Variants in GRM1 observed in about 807,000 individuals in gnomAD.
GRM1 encodes glutamate metabotropic receptor 1.
GRM1 carries 33 observed loss-of-function variants against 90.9 expected under a neutral mutation model. That is an observed-to-expected ratio of 0.36 (90% CI 0.28 to 0.49). The LOEUF (loss-of-function observed/expected upper bound fraction) is 0.49, where lower values mean the gene tolerates loss of function less well. Ranked by LOEUF, GRM1 falls within the 20% of genes least tolerant of loss-of-function variation. The pLI is 0.99. For synonymous variants in GRM1, 700 were observed against 613.2 expected (o/e 1.14, Z -2.09); for missense variants, 1,190 against 1,534.3 (o/e 0.78, Z 3.75).
chr6:146,333,258 A>G (rs1391580332), intron 3 of GRM1, among the ~76,000 whole-genome samples: 1 of 152,162 alleles, frequency 6.6e-6, no homozygotes, highest in Admixed American at 6.5e-5. Context: ...GGGTACTCTG[A>G]GACCCTTCCT....
chr6:146,108,985 A>G (rs540246388), intron 1 of GRM1, among the ~76,000 whole-genome samples: 3 of 152,306 alleles, frequency 2.0e-5, no homozygotes, highest in Non-Finnish European at 4.4e-5. Context: ...AAAAGCATTC[A>G]AGAGGTGACT....
intron 1 of GRM1, among the ~76,000 whole-genome samples, chr6:146,038,759 GT>G (rs1790985422): frequency 6.6e-6 from 1 of 151,698 alleles, no homozygotes; most frequent in African/African-American, 2.4e-5. Context: ...AGTTTCCTCT[GT>G]TCTCTGTGGT....
At chr6:146,185,463 C>T (rs1183235168) in intron 2 of GRM1, among the ~76,000 whole-genome samples, 2 of 152,138 alleles carry the variant, frequency 1.3e-5, no homozygotes, top group Non-Finnish European at 2.9e-5. Flanking sequence ...TCTCTGTGAC[C>T]CTCTGAAAGA....
chr6:146,398,979 C>T lies in GRM1; in HGVS notation c.1940C>T (p.Thr647Ile), dbSNP rs1238629092. The T allele has an allele frequency of 9.9e-6, 16 of 1,614,072 alleles. No individual in the cohort carries two copies. Among genetic ancestry groups the T allele is most frequent in the Non-Finnish European group, 1.4e-5 (16 of 1,179,968 alleles). The change falls in exon 7 of 8, where the codon ACT (threonine) becomes ATT (isoleucine). Residue 647 changes from threonine (T) to isoleucine (I), a missense_variant. Physicochemically the swap from Thr to Ile is moderately conservative, Grantham distance 89. Coordinates refer to ENST00000282753, the MANE Select transcript of GRM1 (RefSeq NM_001278064.2). ...GIFLGYVCPF[T>I]LIAKPTTTSC... is the part of the protein sequence containing the mutation. ...TTCCTTGGTTATGTGTGCCCATTCA[C>T]TCTCATTGCCAAACCTACTACCACC... is the stretch of plus-strand genomic sequence containing the variant.
chr6:146,174,419 TC>T (rs1778257779), intron 2 of GRM1, among the ~76,000 whole-genome samples: 1 of 152,204 alleles, frequency 6.6e-6, no homozygotes, highest in Non-Finnish European at 1.5e-5. Context: ...TTTACTCTAG[TC>T]CATGCCTGTG....
intron 3 of GRM1, among the ~76,000 whole-genome samples, chr6:146,324,073 T>A (rs568999855): frequency 6.6e-6 from 1 of 152,244 alleles, no homozygotes; most frequent in South Asian, 2.1e-4. Context: ...TTGGCGATGT[T>A]CTTTCAGAGA....
At chr6:146,296,039 G>T (rs542602127) in intron 2 of GRM1, among the ~76,000 whole-genome samples, 11 of 152,244 alleles carry the variant, frequency 7.2e-5, no homozygotes, top group Admixed American at 5.9e-4. Flanking sequence ...CCATTTTCCC[G>T]TAAAAGACAT....
chr6:146,183,300 G>T (rs1778614291), intron 2 of GRM1, among the ~76,000 whole-genome samples: 1 of 152,134 alleles, frequency 6.6e-6, no homozygotes, highest in Non-Finnish European at 1.5e-5. Flanking sequence ...TTAGCTCCAT[G>T]AGAGATTGAA....
At chr6:146,184,772 C>G (rs1411808565) in intron 2 of GRM1, among the ~76,000 whole-genome samples, 1 of 152,122 alleles carries the variant, frequency 6.6e-6, no homozygotes, top group African/African-American at 2.4e-5. Context: ...CATCCTCATG[C>G]AGGGATGTAG....
At chr6:146,251,601 T>A (rs879347707) in intron 2 of GRM1, among the ~76,000 whole-genome samples, 1 of 152,232 alleles carries the variant, frequency 6.6e-6, no homozygotes, top group Admixed American at 6.5e-5. Flanking sequence ...TTCACAGTTG[T>A]TCAGAAGCAT....
chr6:146,105,257 T>C (rs763198321), intron 1 of GRM1, among the ~76,000 whole-genome samples: 7 of 152,210 alleles, frequency 4.6e-5, no homozygotes, highest in Non-Finnish European at 7.4e-5. Context: ...TCCAGAAATG[T>C]GAATTATTTC....
chr6:146,095,294 G>A (rs1776840747), intron 1 of GRM1, among the ~76,000 whole-genome samples: 1 of 152,014 alleles, frequency 6.6e-6, no homozygotes, highest in East Asian at 1.9e-4. Flanking sequence ...AGTCCCTTAT[G>A]GTCAAATGGT....
Position 146,159,463 on chromosome 6 carries a change from A to C in GRM1, c.816A>C (p.Arg272=). The change falls in exon 2 of 8, where the codon CGA becomes CGC. Residue 272 remains arginine (R), a synonymous_variant. Transcript: ENST00000282753. ...ACGCTGGGGAGAAGAGCTTTGACCG[A>C]CTCTTGCGCAAACTCCGAGAGAGGC... The part of the protein sequence containing the change: ...YSNAGEKSFD[R]LLRKLRERLP... The C allele has an allele frequency of 6.2e-7, 1 of 1,613,988 alleles. No homozygotes were observed. The highest frequency in any genetic ancestry group is 8.5e-7 in the Non-Finnish European group (1 of 1,179,988).
rs143976067 is a variant in GRM1, at chr6:146,070,212, C to A, written c.700+39995C>A. Among the ~76,000 whole-genome samples, 8 of 152,004 alleles carry A rather than the reference C, an allele frequency of 5.3e-5. No individual in the cohort carries two copies. In the East Asian group the frequency reaches 9.7e-4, roughly 18 times the overall value. On this transcript the variant is annotated intron_variant, in intron 1 of 7. Transcript: ENST00000282753. ...CAAGTTTATTGCTCAGTGGTGGTCACCAACTCCATTTTTTTAATGTTATTT... is the reference window on the plus strand; with the variant it reads ...CAAGTTTATTGCTCAGTGGTGGTCAACAACTCCATTTTTTTAATGTTATTT...
chr6:146,344,362 A>G (rs2115023231), intron 3 of GRM1, among the ~76,000 whole-genome samples: 1 of 152,294 alleles, frequency 6.6e-6, no homozygotes, highest in East Asian at 1.9e-4. Context: ...TCTCAAGGTG[A>G]TCCTTCTTAT....
intron 5 of GRM1, 129 bp downstream of exon 5, chr6:146,357,823 G>T: frequency 1.3e-6 from 1 of 774,860 alleles, no homozygotes. Flanking sequence ...TACAGTTTTG[G>T]CTCTTGAGTT....
At chr6:146,052,792 T>A (rs1171139642) in intron 1 of GRM1, among the ~76,000 whole-genome samples, 4 of 152,084 alleles carry the variant, frequency 2.6e-5, no homozygotes, top group Admixed American at 2.6e-4. Flanking sequence ...TCTATCCTGT[T>A]GCTTTGTTGT....
chr6:146,067,708 A>G (rs1377642759), intron 1 of GRM1, among the ~76,000 whole-genome samples: 1 of 152,152 alleles, frequency 6.6e-6, no homozygotes, highest in Non-Finnish European at 1.5e-5. Context: ...TTATTTTTTA[A>G]AAAAGCCTTC....
chr6:146,029,444 G>T lies in GRM1; in HGVS notation c.-74G>T. 8.3e-7 allele frequency: 1 copy of T among 1,202,790 alleles called. No homozygotes were observed. Among genetic ancestry groups the T allele is most frequent in the Non-Finnish European group, 1.2e-6 (1 of 806,412 alleles). 74.5% of individuals were successfully genotyped at this position (1,202,790 alleles called of 1,614,324 possible). A position where few individuals can be genotyped will look rare whatever the true frequency, so the allele number is the denominator to read the frequency against. On this transcript the variant is annotated 5_prime_UTR_variant, in exon 1 of 8. Transcript: ENST00000282753. ...AGAGGCGGCGCTGGGCGTCTTGGGG[G>T]TGCGCGCCGGGAGCCTGCAGCGGGA...
Sources: gnomAD v4.1 joint callset for allele counts (sites outside exome capture counted in the v4.1 genomes callset) on GRCh38, gnomAD v4.1.1 for gene constraint, MANE v1.5 for transcripts, NCBI Gene and HGNC (gene_info 2026-07-23, HGNC 2026-07-21) for gene names.